The following FSHR variants were observed in gnomAD, a reference collection of about 807,000 sequenced individuals.
The protein encoded by FSHR is follicle-stimulating hormone receptor.
Under a neutral mutation model 52.1 loss-of-function variants are expected in FSHR, and 46 were observed. That is an observed-to-expected ratio of 0.88 (90% CI 0.70 to 1.13). The LOEUF (loss-of-function observed/expected upper bound fraction) is 1.13, where lower values mean the gene tolerates loss of function less well. FSHR is among the 50% of genes most tolerant of loss of function. The pLI is 0.00. For synonymous variants in FSHR, 399 were observed against 309.6 expected, an observed-to-expected ratio of 1.29 and a Z score of -3.03; for missense variants, 964 against 834.6, an observed-to-expected ratio of 1.16 and a Z score of -1.91.
chr2:49,056,463 TATA>T (rs1669067610), intron 2 of FSHR, among the ~76,000 whole-genome samples: 1 of 38,594 alleles, frequency 2.6e-5, no homozygotes, highest in African/African-American at 7.0e-5. Context: ...TATATATATA[TATA>T]TATATATATA....
chr2:49,039,158 A>G (rs1170087238), intron 2 of FSHR, among the ~76,000 whole-genome samples: 1 of 152,184 alleles, frequency 6.6e-6, no homozygotes, highest in Non-Finnish European at 1.5e-5. Context: ...GTACAATTAT[A>G]TATGTTGCTG....
intron 6 of FSHR, among the ~76,000 whole-genome samples, chr2:48,985,710 T>G (rs1458775072): frequency 7.3e-6 from 1 of 137,500 alleles, no homozygotes; most frequent in African/African-American, 2.8e-5. Flanking sequence ...TTTTTTTTTT[T>G]TTTTTTTTTT....
At chr2:48,965,450 T>A (rs1435022151) in intron 9 of FSHR, among the ~76,000 whole-genome samples, 1 of 152,218 alleles carries the variant, frequency 6.6e-6, no homozygotes, top group Non-Finnish European at 1.5e-5. Context: ...GAAAATGTTC[T>A]GGTTTAGTCA....
intron 1 of FSHR, among the ~76,000 whole-genome samples, chr2:49,124,426 G>T (rs1465117733): frequency 6.6e-6 from 1 of 151,966 alleles, no homozygotes; most frequent in East Asian, 1.9e-4. Flanking sequence ...CAATCTTTAG[G>T]CTATAGAATT....
intron 5 of FSHR, among the ~76,000 whole-genome samples, chr2:48,989,550 G>A (rs760844428): frequency 6.6e-6 from 1 of 152,132 alleles, no homozygotes; most frequent in Admixed American, 6.5e-5. Context: ...CGAAAGTACT[G>A]GATTAGAGCC....
At chr2:49,008,332 C>T (rs2104172683) in intron 4 of FSHR, among the ~76,000 whole-genome samples, 1 of 144,134 alleles carries the variant, frequency 6.9e-6, no homozygotes, top group South Asian at 2.3e-4. Flanking sequence ...CAATTTCATA[C>T]ATGTCCCTAC....
chr2:49,125,602 A>C (rs986955335), intron 1 of FSHR, among the ~76,000 whole-genome samples: 1 of 152,228 alleles, frequency 6.6e-6, no homozygotes, highest in Non-Finnish European at 1.5e-5. Flanking sequence ...GTAGGCAATC[A>C]ATAAGTATTT....
intron 1 of FSHR, among the ~76,000 whole-genome samples, chr2:49,098,957 T>C (rs1670927537): frequency 6.9e-6 from 1 of 145,844 alleles, no homozygotes; most frequent in African/African-American, 2.5e-5. Context: ...CACACACACA[T>C]CCCACACATA....
At chr2:49,083,587 A>G (rs1392454920) in intron 1 of FSHR, among the ~76,000 whole-genome samples, 2 of 148,664 alleles carry the variant, frequency 1.3e-5, no homozygotes, top group Non-Finnish European at 3.0e-5. Flanking sequence ...AGTGTGCTGT[A>G]TTCAGGAAAC....
At chr2:49,105,982 C>T (rs75434807) in intron 1 of FSHR, among the ~76,000 whole-genome samples, 5,871 of 152,260 alleles carry the variant, frequency 0.039, 164 homozygotes, top group Middle Eastern at 0.058. Context: ...CACTCAATCC[C>T]TCTGGATCTC....
chr2:49,154,235 T>C (rs950372349), intron 1 of FSHR, 31 bp downstream of exon 1: 1 of 1,605,964 alleles, frequency 6.2e-7, no homozygotes, highest in Non-Finnish European at 8.5e-7. Context: ...ATGCCAGCCA[T>C]GCAGTTGTTC....
intron 2 of FSHR, among the ~76,000 whole-genome samples, chr2:49,049,805 C>A (rs1324951065): frequency 6.9e-6 from 1 of 144,650 alleles, no homozygotes. Context: ...CTTTATCAGA[C>A]TCATATAGCC....
In FSHR at chr2:49,154,388, T is replaced by A. The variant is rs1237857654; in HGVS notation, c.30A>T (p.Ala10=). The A allele has an allele frequency of 3.1e-6, 5 of 1,613,016 alleles. No individual in the cohort carries two copies. Among genetic ancestry groups the A allele is most frequent in the Non-Finnish European group, 4.2e-6 (5 of 1,179,930 alleles). ...GACATCCTGAGCCCAAGCTCAGGAA[T>A]GCCAGCAAAGAGACCAGGAGCAGGG... MALLLVSLL[A]FLSLGSGCHH... is the part of the protein sequence containing the mutation. Residue 10 remains alanine, a synonymous_variant, in exon 1 of 10, where the codon GCA becomes GCT. Coordinates refer to ENST00000406846, the MANE Select transcript of FSHR (RefSeq NM_000145.4).
chr2:49,015,810 C>T (rs1157797119), intron 4 of FSHR, among the ~76,000 whole-genome samples: 2 of 152,102 alleles, frequency 1.3e-5, no homozygotes, highest in Non-Finnish European at 2.9e-5. Flanking sequence ...AATAAAAATG[C>T]AGAGCCTCTT....
chr2:48,978,255 C>T (rs147906459), intron 8 of FSHR, among the ~76,000 whole-genome samples: 3 of 152,290 alleles, frequency 2.0e-5, no homozygotes, highest in Admixed American at 6.5e-5. Flanking sequence ...TTGATTTGAA[C>T]AATTTCTATT....
At chr2:49,056,477 T>TATAC (rs1669069176) in intron 2 of FSHR, among the ~76,000 whole-genome samples, 1 of 72,554 alleles carries the variant, frequency 1.4e-5, no homozygotes, top group South Asian at 4.7e-4. Context: ...TATATATATA[T>TATAC]ATATATATAT....
At chr2:48,997,939 C>T (rs901577580) in intron 4 of FSHR, among the ~76,000 whole-genome samples, 4 of 152,080 alleles carry the variant, frequency 2.6e-5, no homozygotes, top group Non-Finnish European at 4.4e-5. Flanking sequence ...CTCCTGCCCT[C>T]GTTCTCTAAT....
chr2:49,071,778 A>G (rs919555640), intron 1 of FSHR, among the ~76,000 whole-genome samples: 1 of 151,388 alleles, frequency 6.6e-6, no homozygotes, highest in African/African-American at 2.4e-5. Flanking sequence ...GGGAAGGAGG[A>G]CAGGCATCAC....
chr2:49,030,534 C>T (rs942491676), intron 2 of FSHR, among the ~76,000 whole-genome samples: 1 of 152,046 alleles, frequency 6.6e-6, no homozygotes, highest in Non-Finnish European at 1.5e-5. Flanking sequence ...TAAATCTTAT[C>T]TTGGCTTGAA....
Sources: gnomAD v4.1 joint callset for allele counts (sites outside exome capture counted in the v4.1 genomes callset) on GRCh38, gnomAD v4.1.1 for gene constraint, MANE v1.5 for transcripts, NCBI Gene and HGNC (gene_info 2026-07-23, HGNC 2026-07-21) for gene names.